The following FAT1 variants were observed in gnomAD, a reference collection of about 807,000 sequenced individuals.
FAT1 encodes the protein FAT atypical cadherin 1.
FAT1 carries 171 observed loss-of-function variants against 329.8 expected under a neutral mutation model. The observed-to-expected ratio is 0.52, with a 90% CI of 0.46 to 0.59. The LOEUF is 0.59. FAT1 is among the 20% of genes least tolerant of loss of function. The pLI is 0.00. For synonymous variants in FAT1, 2,233 were observed against 2,228.6 expected, an observed-to-expected ratio of 1.00 and a Z score of -0.06; for missense variants, 5,672 against 5,774.4, an observed-to-expected ratio of 0.98 and a Z score of 0.57.
intron 14 of FAT1, among the ~76,000 whole-genome samples, chr4:186,610,637 T>A (rs910477148): frequency 8.9e-5 from 10 of 112,154 alleles, no homozygotes; most frequent in Middle Eastern, 4.5e-3. Context: ...AATTATATAA[T>A]TTATATAATT....
rs2126528209 is a variant in FAT1 at position 186,621,743 on chromosome 4, C to G, written c.4843G>C (p.Val1615Leu). The G allele has an allele frequency of 1.3e-6, 2 of 1,578,678 alleles. No homozygotes were observed. The highest frequency in any genetic ancestry group is 8.6e-7 in the Non-Finnish European group (1 of 1,166,732). Residue 1615 changes from valine to leucine, a missense_variant, in exon 10 of 27, where the codon GTC (valine) becomes CTC (leucine). Physicochemically the swap from Val to Leu is conservative, Grantham distance 32. Transcript: ENST00000441802. ...TTGGCAGTTTTAATAGAGCCCAAGA[C>G]AGGATCAATCATAAAAGAATTTCCA... ...NIGNSFMIDP[V>L]LGSIKTAKEL...
chr4:186,667,886 C>T (rs1265746475), intron 2 of FAT1, among the ~76,000 whole-genome samples: 1 of 152,208 alleles, frequency 6.6e-6, no homozygotes, highest in African/African-American at 2.4e-5. Flanking sequence ...GACTCCAGGC[C>T]TCAGGGTCTT....
intron 9 of FAT1, among the ~76,000 whole-genome samples, chr4:186,627,464 C>A (rs1019859631): frequency 6.6e-6 from 1 of 152,294 alleles, no homozygotes; most frequent in Middle Eastern, 3.4e-3. Context: ...CCCTTGTTAT[C>A]CCGACTCTGG....
Position 186,707,445 on chromosome 4 carries a change from A to T in FAT1, c.2383T>A (p.Tyr795Asn), listed in dbSNP as rs2126688600. 1 of 1,614,012 alleles carries T rather than the reference A, an allele frequency of 6.2e-7. No individual in the cohort carries two copies. The highest frequency in any genetic ancestry group is 8.5e-7 in the Non-Finnish European group (1 of 1,179,890). The change falls in exon 2 of 27, where the codon TAT becomes AAT. Residue 795 changes from tyrosine to asparagine, a missense_variant. Physicochemically the swap from Tyr to Asn is moderately radical, Grantham distance 143. Transcript: ENST00000441802. ...TDKYTLNITV[Y>N]DLGIPQKAAW... ...GCCTTCTGGGGTATCCCAAGGTCAT[A>T]GACGGTAATATTCAGGGTGTATTTG...
intron 26 of FAT1, chr4:186,590,243 T>C (rs1738170377): frequency 6.6e-6 from 3 of 453,482 alleles, no homozygotes; most frequent in Non-Finnish European, 1.3e-5. Flanking sequence ...CGCACACACA[T>C]GCAGCCGTGT....
intron 2 of FAT1, among the ~76,000 whole-genome samples, chr4:186,670,593 C>T (rs1460609038): frequency 6.6e-6 from 1 of 152,210 alleles, no homozygotes; most frequent in Non-Finnish European, 1.5e-5. Flanking sequence ...TATGCAAAGA[C>T]TAAACATCTC....
upstream of FAT1, among the ~76,000 whole-genome samples, chr4:186,724,698 G>A (rs1349250856): frequency 3.9e-5 from 6 of 152,182 alleles, no homozygotes; most frequent in Non-Finnish European, 7.4e-5. This position sits in a 1 kb window ranked among gnomAD's most constrained non-coding sequence, Gnocchi z 5.3. Flanking sequence ...GCCCATCCCC[G>A]GTGCGGGCAG....
At position 186,653,312 on chromosome 4, in the gene FAT1, A is replaced by C. The variant is rs534487443; in HGVS notation, c.3580+9987T>G. Among the ~76,000 whole-genome samples the C allele has an allele frequency of 4.7e-4, 71 of 152,326 alleles. 2 individuals are homozygous for C. In the South Asian group the frequency reaches 0.014, roughly 30 times the overall value. On this transcript the variant is annotated intron_variant, in intron 3 of 26. Coordinates refer to ENST00000441802, the MANE Select transcript of FAT1 (RefSeq NM_005245.4). The stretch of plus-strand genomic sequence containing the variant: ...CTTCCCAATGTAGAAGAGATCTAAC[A>C]GTCTACTAACCAACTTGCAAAATCG...
At chr4:186,655,987 C>T (rs1741881810) in intron 3 of FAT1, among the ~76,000 whole-genome samples, 1 of 152,216 alleles carries the variant, frequency 6.6e-6, no homozygotes, top group Non-Finnish European at 1.5e-5. Context: ...TGGTACTTCC[C>T]CAAGAGGAGG....
At position 186,661,506 on chromosome 4, in the gene FAT1, C is replaced by T. The variant is rs12646129; in HGVS notation, c.3580+1793G>A. Among the ~76,000 whole-genome samples, 1,124 of 152,266 alleles carry T rather than the reference C, an allele frequency of 7.4e-3. 44 individuals are homozygous for T. The East Asian group carries it at 0.11, about 14-fold the overall frequency. On this transcript the variant is annotated intron_variant, in intron 3 of 26. Transcript: ENST00000441802. ...GTTCAGAGTTTCTCACCGCTGAACA[C>T]GTGGAGGCTACGGGAAGGTGAACAA...
rs778456772 is a variant in FAT1, at chr4:186,707,523, T to C, written c.2305A>G (p.Met769Val). 6.2e-7 allele frequency: 1 copy of C among 1,614,024 alleles called. No individual in the cohort carries two copies. Among genetic ancestry groups the C allele is most frequent in the Non-Finnish European group, 8.5e-7 (1 of 1,179,894 alleles). ...AAAATTTTCAGCATTCCTGTTTCCA[T>C]ATCAATCATGAAGCAACTATCCTCA... ...GNEDSCFMID[M>V]ETGMLKILSP... The change falls in exon 2 of 27, where the codon ATG (methionine) becomes GTG (valine). Residue 769 changes from methionine (M) to valine (V), a missense_variant. Transcript: ENST00000441802.
intron 11 of FAT1, 133 bp from the exon 12 acceptor site, chr4:186,614,477 A>C: frequency 1.6e-6 from 1 of 634,712 alleles, no homozygotes; most frequent in African/African-American, 1.9e-5. Context: ...TAAAATCCCA[A>C]GAGCTTTGAA....
intron 15 of FAT1, among the ~76,000 whole-genome samples, chr4:186,609,593 G>A (rs1233926309): frequency 6.6e-6 from 1 of 151,470 alleles, no homozygotes; most frequent in Non-Finnish European, 1.5e-5. Flanking sequence ...ATTTTTTTTT[G>A]TATTTTTAGT....
chr4:186,672,784 A>C (rs947230783), intron 2 of FAT1, among the ~76,000 whole-genome samples: 7 of 152,170 alleles, frequency 4.6e-5, no homozygotes, highest in Non-Finnish European at 1.0e-4. Context: ...AATCGTGCTA[A>C]ATGTTTGGAG....
chr4:186,664,763 G>T (rs972371223), intron 2 of FAT1, among the ~76,000 whole-genome samples: 2 of 152,092 alleles, frequency 1.3e-5, no homozygotes, highest in African/African-American at 4.8e-5. Context: ...TTGATCACTC[G>T]GGACTAAAGA....
rs529189239 is a variant in FAT1, at chr4:186,641,458, G to A, written c.3581-1675C>T. 7.2e-5 allele frequency among the ~76,000 whole-genome samples: 11 copies of A among 152,186 alleles called. 1 individual carries two copies. Among genetic ancestry groups the A allele is most frequent in the African/African-American group, 1.2e-4 (5 of 41,516 alleles). ...CTGTGGTTGTAAATAGTTCAGGAAC[G>A]ACAAGGAGCCCCTTGATTAGTCCCA... On this transcript the variant is annotated intron_variant, in intron 3 of 26. Coordinates refer to ENST00000441802, the MANE Select transcript of FAT1 (RefSeq NM_005245.4).
chr4:186,653,715 C>G (rs184344737), intron 3 of FAT1, among the ~76,000 whole-genome samples: 1 of 152,208 alleles, frequency 6.6e-6, no homozygotes, highest in Non-Finnish European at 1.5e-5. Context: ...GAATTTATTT[C>G]GTTTATTTAC....
At chr4:186,606,711 A>C (rs1316059505) in intron 16 of FAT1, among the ~76,000 whole-genome samples, 1 of 152,138 alleles carries the variant, frequency 6.6e-6, no homozygotes, top group Non-Finnish European at 1.5e-5. Flanking sequence ...TCACACTCGG[A>C]TTATACTCAG....
rs201450896 is a variant in FAT1 at position 186,707,187 on chromosome 4, G to C, written c.2641C>G (p.Arg881Gly). 2 of 1,613,926 alleles carry C rather than the reference G, an allele frequency of 1.2e-6. No homozygotes were observed. The highest frequency in any genetic ancestry group is 1.7e-6 in the Non-Finnish European group (2 of 1,179,890). ...TGCTGCAGCTCTCGATCCAGAGGGC[G>C]TGCGATGTTAACAACACCCGTCACG... ...DSVTGVVNIARPLDRELQHEH... is the reference protein window; with the variant it reads ...DSVTGVVNIAGPLDRELQHEH... The change falls in exon 2 of 27, where the codon CGC becomes GGC. Residue 881 changes from arginine to glycine, a missense_variant. By Grantham distance (125) the Arg-to-Gly change is moderately radical. Coordinates refer to ENST00000441802, the MANE Select transcript of FAT1 (RefSeq NM_005245.4).
Sources: gnomAD v4.1 joint callset for allele counts (sites outside exome capture counted in the v4.1 genomes callset) on GRCh38, gnomAD v4.1.1 for gene constraint, Gnocchi (gnomAD v3.1) non-coding constraint, MANE v1.5 for transcripts, NCBI Gene and HGNC (gene_info 2026-07-23, HGNC 2026-07-21) for gene names.